NELL1: variants seen among roughly 807,000 people sequenced by gnomAD.
NELL1 encodes protein kinase C-binding protein NELL1.
In NELL1, 76 loss-of-function variants were observed where a neutral mutation model predicts 107.4. The observed-to-expected ratio is 0.71, with a 90% CI of 0.59 to 0.86. NELL1 has a LOEUF of 0.86. Among genes scored for constraint, NELL1 ranks in the 40% least tolerant of loss-of-function variants. The probability of loss-of-function intolerance (pLI) is 0.00; values close to 1 mark genes in which losing one functional copy is unlikely to be tolerated. For synonymous variants in NELL1, 353 were observed against 341.2 expected (o/e 1.03, Z -0.38); for missense variants, 1,024 against 1,005.5 (o/e 1.02, Z -0.25).
intron 12 of NELL1, among the ~76,000 whole-genome samples, chr11:21,059,856 A>G (rs757718265): frequency 1.3e-5 from 2 of 152,182 alleles, no homozygotes; most frequent in African/African-American, 4.8e-5. Flanking sequence ...TCATCTTATG[A>G]CATCTTGTGA....
At chr11:21,172,573 A>G (rs1856630046) in intron 13 of NELL1, among the ~76,000 whole-genome samples, 1 of 151,778 alleles carries the variant, frequency 6.6e-6, no homozygotes, top group Non-Finnish European at 1.5e-5. Flanking sequence ...TTACATATCT[A>G]GTCCTGAGTG....
At chr11:20,770,780 G>A (rs1856623932) in intron 2 of NELL1, 1 of 152,208 alleles carries the variant, frequency 6.6e-6, no homozygotes, top group African/African-American at 2.4e-5. Flanking sequence ...AGGGTGGGGT[G>A]GTGGTGAGCA....
chr11:20,761,162 T>C (rs1238324291), intron 2 of NELL1, among the ~76,000 whole-genome samples: 2 of 152,202 alleles, frequency 1.3e-5, no homozygotes, highest in African/African-American at 2.4e-5. Context: ...ATAACCACTG[T>C]TGGGTTGCCT....
At chr11:21,406,157 T>G (rs898711793) in intron 15 of NELL1, among the ~76,000 whole-genome samples, 31 of 151,918 alleles carry the variant, frequency 2.0e-4, no homozygotes, top group African/African-American at 5.8e-4. Flanking sequence ...GAGAGAGAGA[T>G]AAAAAATTTC....
chr11:21,543,810 T>C (rs1445110362), intron 16 of NELL1, among the ~76,000 whole-genome samples: 2 of 151,812 alleles, frequency 1.3e-5, no homozygotes, highest in African/African-American at 4.8e-5. Flanking sequence ...CAAAATAGAG[T>C]GCATTACACT....
chr11:21,023,285 A>T (rs1852742970), intron 12 of NELL1, among the ~76,000 whole-genome samples: 1 of 152,050 alleles, frequency 6.6e-6, no homozygotes, highest in Admixed American at 6.6e-5. Flanking sequence ...TTCTCATTGT[A>T]AAATGAAGAA....
At chr11:21,259,715 C>T (rs1434780148) in intron 14 of NELL1, among the ~76,000 whole-genome samples, 1 of 151,838 alleles carries the variant, frequency 6.6e-6, no homozygotes, top group Non-Finnish European at 1.5e-5. Context: ...TTCTCTAGAC[C>T]ACTATAGTCC....
intron 7 of NELL1, among the ~76,000 whole-genome samples, chr11:20,923,626 T>A (rs1357934457): frequency 1.3e-5 from 2 of 152,154 alleles, no homozygotes; most frequent in African/African-American, 4.8e-5. Context: ...AGATCCCAAC[T>A]GCACTGTAAT....
intron 15 of NELL1, among the ~76,000 whole-genome samples, chr11:21,413,609 A>AC (rs1852432007): frequency 6.6e-6 from 1 of 152,058 alleles, no homozygotes; most frequent in African/African-American, 2.4e-5. Flanking sequence ...AGACCTTCTG[A>AC]CACCTGGCTT....
intron 2 of NELL1, among the ~76,000 whole-genome samples, chr11:20,755,048 C>T (rs1856228869): frequency 6.6e-6 from 1 of 152,238 alleles, no homozygotes; most frequent in Admixed American, 6.5e-5. Flanking sequence ...CCCCAAGCCA[C>T]ATACATGTAC....
chr11:20,855,496 C>T (rs781492117), intron 4 of NELL1, among the ~76,000 whole-genome samples: 1 of 152,152 alleles, frequency 6.6e-6, no homozygotes, highest in Non-Finnish European at 1.5e-5. Context: ...TCATTTCCAA[C>T]TCATAGTGAT....
chr11:21,222,362 TG>T (rs1255904365), intron 13 of NELL1, among the ~76,000 whole-genome samples: 2 of 150,882 alleles, frequency 1.3e-5, no homozygotes, highest in African/African-American at 4.9e-5. Context: ...TGTATTTTTT[TG>T]TATTTTTTTT....
intron 15 of NELL1, among the ~76,000 whole-genome samples, chr11:21,371,939 A>G (rs1160699947): frequency 6.6e-6 from 1 of 152,070 alleles, no homozygotes; most frequent in African/African-American, 2.4e-5. Flanking sequence ...CACCCTGACC[A>G]ACCTGTTATA....
chr11:20,758,778 G>T (rs961869770), intron 2 of NELL1, among the ~76,000 whole-genome samples: 2 of 152,174 alleles, frequency 1.3e-5, no homozygotes, highest in Non-Finnish European at 2.9e-5. Flanking sequence ...GTGCCCCTAA[G>T]TGGTGGGAAT....
chr11:20,675,826 T>A (rs529753365), intron 1 of NELL1, among the ~76,000 whole-genome samples: 1 of 152,062 alleles, frequency 6.6e-6, no homozygotes, highest in Admixed American at 6.6e-5. Context: ...CAGGCTGGAG[T>A]GCAGTGGTGC....
intron 14 of NELL1, among the ~76,000 whole-genome samples, chr11:21,241,133 A>G (rs1858347260): frequency 1.3e-5 from 2 of 152,124 alleles, no homozygotes; most frequent in Non-Finnish European, 2.9e-5. Context: ...CAATCAGAAT[A>G]AGATTGTTTT....
chr11:20,765,518 G>T (rs1338087223), intron 2 of NELL1, among the ~76,000 whole-genome samples: 1 of 152,206 alleles, frequency 6.6e-6, no homozygotes, highest in South Asian at 2.1e-4. Context: ...TTAGCTGGGG[G>T]CTGGGGTCTA....
At chr11:20,763,739 A>T (rs931506404) in intron 2 of NELL1, among the ~76,000 whole-genome samples, 1 of 152,232 alleles carries the variant, frequency 6.6e-6, no homozygotes, top group African/African-American at 2.4e-5. Flanking sequence ...TGACACCTGT[A>T]ACTCAGGCCC....
At chr11:21,479,290 T>A (rs952836320) in intron 15 of NELL1, among the ~76,000 whole-genome samples, 42 of 152,148 alleles carry the variant, frequency 2.8e-4, no homozygotes, top group African/African-American at 1.0e-3. Context: ...GCAACCTAAA[T>A]GTCCATCAAC....
Sources: gnomAD v4.1 joint callset for allele counts (sites outside exome capture counted in the v4.1 genomes callset) on GRCh38, gnomAD v4.1.1 for gene constraint, MANE v1.5 for transcripts, NCBI Gene and HGNC (gene_info 2026-07-23, HGNC 2026-07-21) for gene names.